FSHR: variants seen among roughly 807,000 people sequenced by gnomAD.
The protein encoded by FSHR is follicle-stimulating hormone receptor.
A neutral mutation model predicts 52.1 loss-of-function variants in FSHR; 46 were observed. That is an observed-to-expected ratio of 0.88 (90% CI 0.70 to 1.13). The LOEUF (loss-of-function observed/expected upper bound fraction) is 1.13. FSHR is among the 50% of genes most tolerant of loss of function. FSHR has a pLI of 0.00. For synonymous variants in FSHR, 399 were observed against 309.6 expected, an observed-to-expected ratio of 1.29 and a Z score of -3.03; for missense variants, 964 against 834.6, an observed-to-expected ratio of 1.16 and a Z score of -1.91.
At chr2:48,970,774 T>C (rs1318372830) in intron 8 of FSHR, among the ~76,000 whole-genome samples, 3 of 152,322 alleles carry the variant, frequency 2.0e-5, no homozygotes, top group East Asian at 1.9e-4. Context: ...CTTGTAAATA[T>C]GTTCCTCCTT....
At chr2:49,009,021 C>G (rs1209313548) in intron 4 of FSHR, among the ~76,000 whole-genome samples, 1 of 149,742 alleles carries the variant, frequency 6.7e-6, no homozygotes, top group Non-Finnish European at 1.5e-5. Context: ...TGCAGAAGCT[C>G]CTTACTTTAA....
At chr2:49,114,572 G>A (rs1372429975) in intron 1 of FSHR, among the ~76,000 whole-genome samples, 1 of 152,118 alleles carries the variant, frequency 6.6e-6, no homozygotes, top group Non-Finnish European at 1.5e-5. Context: ...CTGAATCTTA[G>A]TTGCCTCAAC....
chr2:48,962,815 T>A lies in FSHR; in HGVS notation c.2006A>T (p.Asn669Ile). The A allele has an allele frequency of 6.2e-7, 1 of 1,614,130 alleles. No individual in the cohort carries two copies. Among genetic ancestry groups the A allele is most frequent in the South Asian group, 1.1e-5 (1 of 91,088 alleles). ...TCTGGGAGCTGAAGAGCAGTGGCCA[T>A]TCCTTGGATGGGTGTTGTGGACAGT... ...SSTVHNTHPR[N>I]GHCSSAPRVT... Residue 669 changes from asparagine to isoleucine, a missense_variant, in exon 10 of 10, where the codon AAT becomes ATT. Coordinates refer to ENST00000406846, the MANE Select transcript of FSHR (RefSeq NM_000145.4).
At chr2:48,974,299 G>T (rs113730956) in intron 8 of FSHR, among the ~76,000 whole-genome samples, 2,057 of 152,304 alleles carry the variant, frequency 0.014, 42 homozygotes, top group African/African-American at 0.046. Context: ...ATGCAATCCA[G>T]TGTTTAGGTG....
At chr2:49,117,047 C>A (rs753948200) in intron 1 of FSHR, among the ~76,000 whole-genome samples, 1 of 152,210 alleles carries the variant, frequency 6.6e-6, no homozygotes, top group Non-Finnish European at 1.5e-5. Flanking sequence ...ATGGCCCCAG[C>A]ACTTTGTGAG....
intron 2 of FSHR, among the ~76,000 whole-genome samples, chr2:49,040,067 A>G (rs1317990040): frequency 6.6e-6 from 1 of 152,224 alleles, no homozygotes; most frequent in East Asian, 1.9e-4. Context: ...TGGAGAGTCT[A>G]TAGGTTATCA....
At chr2:49,126,324 AG>A (rs1465871905) in intron 1 of FSHR, among the ~76,000 whole-genome samples, 1 of 13,374 alleles carries the variant, frequency 7.5e-5, no homozygotes, top group Non-Finnish European at 1.1e-4. Flanking sequence ...CAAAAGGAAG[AG>A]GGGGGGAGAG....
At chr2:48,978,808 G>C (rs1424395295) in intron 8 of FSHR, among the ~76,000 whole-genome samples, 1 of 152,172 alleles carries the variant, frequency 6.6e-6, no homozygotes. Flanking sequence ...GTGCACCCTT[G>C]CACCCTCAGG....
At chr2:49,088,430 T>C (rs1004283152) in intron 1 of FSHR, among the ~76,000 whole-genome samples, 1 of 152,238 alleles carries the variant, frequency 6.6e-6, no homozygotes, top group African/African-American at 2.4e-5. Flanking sequence ...AAAGACAGTC[T>C]GGTATAAAAT....
intron 4 of FSHR, among the ~76,000 whole-genome samples, chr2:49,001,823 G>A: frequency 6.6e-6 from 1 of 152,096 alleles, no homozygotes; most frequent in Non-Finnish European, 1.5e-5. Context: ...GGATGAACTG[G>A]GTTGGAGTCT....
intron 2 of FSHR, among the ~76,000 whole-genome samples, chr2:49,027,054 G>A (rs983115101): frequency 9.2e-5 from 14 of 152,034 alleles, no homozygotes; most frequent in Non-Finnish European, 1.6e-4. Flanking sequence ...CCCTAGTCAC[G>A]ACCCCTGCCA....
chr2:48,997,608 G>A (rs1270539430), intron 4 of FSHR, among the ~76,000 whole-genome samples: 1 of 152,034 alleles, frequency 6.6e-6, no homozygotes, highest in Non-Finnish European at 1.5e-5. Context: ...CCAGGGCTCA[G>A]ATCTCTTATA....
intron 9 of FSHR, 104 bp from the exon 10 acceptor site, chr2:48,964,070 T>C: frequency 1.7e-6 from 2 of 1,191,636 alleles, no homozygotes; most frequent in Non-Finnish European, 2.4e-6. Flanking sequence ...TTCCTGAGAT[T>C]TTTTTTTTTT....
At chr2:48,967,891 C>A (rs578013670) in intron 9 of FSHR, among the ~76,000 whole-genome samples, 3 of 152,182 alleles carry the variant, frequency 2.0e-5, no homozygotes, top group Non-Finnish European at 4.4e-5. Flanking sequence ...GAAAAGACAT[C>A]ATTTGATGAG....
At chr2:48,998,462 G>A (rs908102279) in intron 4 of FSHR, among the ~76,000 whole-genome samples, 4 of 152,046 alleles carry the variant, frequency 2.6e-5, no homozygotes, top group Non-Finnish European at 4.4e-5. Flanking sequence ...AGTTTTGAAT[G>A]CTTTCATTAA....
chr2:49,061,752 A>G (rs1369148270), intron 2 of FSHR, among the ~76,000 whole-genome samples: 1 of 121,598 alleles, frequency 8.2e-6, no homozygotes, highest in Non-Finnish European at 1.8e-5. Context: ...ATATATAACT[A>G]TTTATATATA....
At chr2:48,983,371 G>C (rs1228162388) in intron 6 of FSHR, among the ~76,000 whole-genome samples, 1 of 152,142 alleles carries the variant, frequency 6.6e-6, no homozygotes, top group Non-Finnish European at 1.5e-5. Context: ...TGTATTACTT[G>C]CATGTATTAC....
chr2:48,964,249 T>A (rs1013252678), intron 9 of FSHR, among the ~76,000 whole-genome samples: 1 of 152,148 alleles, frequency 6.6e-6, no homozygotes, highest in African/African-American at 2.4e-5. Flanking sequence ...TAAGCCTTGC[T>A]GTTAAGTGAA....
intron 1 of FSHR, among the ~76,000 whole-genome samples, chr2:49,146,379 A>G (rs1343178776): frequency 1.3e-5 from 2 of 152,058 alleles, no homozygotes; most frequent in Non-Finnish European, 2.9e-5. Context: ...TCCTTATTCC[A>G]AGAGAATTCA....
Sources: gnomAD v4.1 joint callset for allele counts (sites outside exome capture counted in the v4.1 genomes callset) on GRCh38, gnomAD v4.1.1 for gene constraint, MANE v1.5 for transcripts, NCBI Gene and HGNC (gene_info 2026-07-23, HGNC 2026-07-21) for gene names.